ZRANB3: variants seen among roughly 807,000 people sequenced by gnomAD.
ZRANB3 encodes the protein zinc finger RANBP2-type containing 3, also known as DNA annealing helicase and endonuclease ZRANB3.
A neutral mutation model predicts 133.8 loss-of-function variants in ZRANB3; 125 were observed. The observed-to-expected ratio is 0.93, with a 90% CI of 0.81 to 1.08. The LOEUF (loss-of-function observed/expected upper bound fraction) is 1.08. ZRANB3 is among the 50% of genes least tolerant of loss of function. The pLI, the probability that ZRANB3 is intolerant of heterozygous loss-of-function variation, is 0.00. For missense variants in ZRANB3, 1,229 were observed against 1,275.5 expected (o/e 0.96, Z 0.56); for synonymous variants, 387 against 432.7 (o/e 0.89, Z 1.31).
chr2:135,441,491 G>A (rs1290234204), intron 2 of ZRANB3, among the ~76,000 whole-genome samples: 5 of 151,576 alleles, frequency 3.3e-5, no homozygotes, highest in South Asian at 4.1e-4. Context: ...GTTTCACAAC[G>A]GTAAATATTT....
intron 12 of ZRANB3, among the ~76,000 whole-genome samples, chr2:135,250,930 C>G (rs193182395): frequency 2.5e-4 from 38 of 152,314 alleles, no homozygotes; most frequent in African/African-American, 8.4e-4. Flanking sequence ...GGCCACCTGT[C>G]CTCCAGACCC....
intron 2 of ZRANB3, among the ~76,000 whole-genome samples, chr2:135,486,600 C>T (rs1692131159): frequency 6.6e-6 from 1 of 151,938 alleles, no homozygotes; most frequent in African/African-American, 2.4e-5. Flanking sequence ...CTGCAACCTC[C>T]ACTCCCAGGT....
rs539219262 is a variant in ZRANB3 at position 135,340,729 on chromosome 2, G to A, written c.677+4821C>T. Reference sequence around the variant, plus strand: ...TTAGCCGGGTGTGGTGGCGGCACGCGCCTGTAATCTCAGCTACTCGGGAGG... The same window carrying A: ...TTAGCCGGGTGTGGTGGCGGCACGCACCTGTAATCTCAGCTACTCGGGAGG... On this transcript the variant is annotated intron_variant, in intron 6 of 20. Transcript: ENST00000264159. Among the ~76,000 whole-genome samples the A allele has an allele frequency of 2.7e-4, 41 of 151,990 alleles. No homozygotes were observed. The South Asian group carries it at 5.6e-3, about 21-fold the overall frequency.
At chr2:135,510,658 C>G (rs1693411159) in intron 1 of ZRANB3, 1 of 787,826 alleles carries the variant, frequency 1.3e-6, no homozygotes, top group Non-Finnish European at 2.3e-6. Flanking sequence ...GCCTCCAGGT[C>G]CCCTAAGGCG....
At chr2:135,478,759 T>C (rs149563757) in intron 2 of ZRANB3, among the ~76,000 whole-genome samples, 2 of 152,064 alleles carry the variant, frequency 1.3e-5, no homozygotes, top group African/African-American at 2.4e-5. Flanking sequence ...TTAACTATTA[T>C]GAATAAGGCT....
At chr2:135,430,127 G>T (rs1204261472) in intron 2 of ZRANB3, among the ~76,000 whole-genome samples, 1 of 151,874 alleles carries the variant, frequency 6.6e-6, no homozygotes, top group Non-Finnish European at 1.5e-5. Flanking sequence ...ACTGAGCCAC[G>T]ATCACACCAC....
chr2:135,243,371 G>A (rs867326272), intron 12 of ZRANB3, among the ~76,000 whole-genome samples: 9 of 152,248 alleles, frequency 5.9e-5, no homozygotes, highest in Middle Eastern at 3.4e-3. Context: ...AAAATTAGCC[G>A]TGCGTAGCGT....
intron 2 of ZRANB3, among the ~76,000 whole-genome samples, chr2:135,467,580 T>G (rs1456989491): frequency 6.6e-6 from 1 of 152,242 alleles, no homozygotes; most frequent in Non-Finnish European, 1.5e-5. Context: ...CCTTTACTAT[T>G]GAGGATCCCC....
At chr2:135,237,749 C>T (rs565233559) in intron 12 of ZRANB3, among the ~76,000 whole-genome samples, 13 of 149,606 alleles carry the variant, frequency 8.7e-5, no homozygotes, top group Non-Finnish European at 1.2e-4. Flanking sequence ...AATGAGAACA[C>T]ATGGACACAG....
At chr2:135,368,798 G>C (rs552582910) in intron 3 of ZRANB3, among the ~76,000 whole-genome samples, 17 of 151,562 alleles carry the variant, frequency 1.1e-4, no homozygotes, top group African/African-American at 4.1e-4. Flanking sequence ...ATTAAAAAAA[G>C]ACAGCTAACT....
rs999062863 is a variant in ZRANB3 at position 135,199,065 on chromosome 2, C to A, written c.*1277G>T. Reference sequence around the variant, plus strand: ...TTCTGACATATTGCAGGACTAGGCCCTGGGTTTGTTTCATCGTCACTCTTA... The same window carrying A: ...TTCTGACATATTGCAGGACTAGGCCATGGGTTTGTTTCATCGTCACTCTTA... On this transcript the variant is annotated 3_prime_UTR_variant, in exon 21 of 21. Transcript: ENST00000264159. 6.6e-6 allele frequency: 1 copy of A among 152,200 alleles called. No individual in the cohort carries two copies. Among genetic ancestry groups the A allele is most frequent in the African/African-American group, 2.4e-5 (1 of 41,452 alleles). 9.4% of individuals were successfully genotyped at this position (152,200 alleles called of 1,614,324 possible).
intron 8 of ZRANB3, among the ~76,000 whole-genome samples, chr2:135,277,300 C>A (rs1181068121): frequency 3.3e-5 from 5 of 152,144 alleles, no homozygotes; most frequent in African/African-American, 9.7e-5. Flanking sequence ...AGGGAGACAT[C>A]CCATTCAGAT....
Position 135,202,836 on chromosome 2 carries a change from T to C in ZRANB3, c.3137A>G (p.Lys1046Arg), listed in dbSNP as rs1553454623. Residue 1046 changes from lysine to arginine, a missense_variant, in exon 20 of 21, where the codon AAA becomes AGA. Coordinates refer to ENST00000264159, the MANE Select transcript of ZRANB3 (RefSeq NM_032143.4). ...CTATATGAGAGCTTCACTGACCTCT[T>C]TGTGACAGACTGTGCAGAGAGTCTG... Reference protein sequence around the residue: ...NLQTLCTVCHKERTARQAKER... With the variant: ...NLQTLCTVCHRERTARQAKER... 1 of 1,607,448 alleles carries C rather than the reference T, an allele frequency of 6.2e-7. No individual in the cohort carries two copies. Among genetic ancestry groups the C allele is most frequent in the South Asian group, 1.1e-5 (1 of 89,432 alleles).
intron 2 of ZRANB3, among the ~76,000 whole-genome samples, chr2:135,484,015 A>G (rs998315027): frequency 2.0e-5 from 3 of 151,980 alleles, no homozygotes; most frequent in Admixed American, 1.3e-4. Flanking sequence ...ATTTGCTGAG[A>G]AGAGCTTTAC....
chr2:135,234,722 G>T (rs971269307), intron 12 of ZRANB3, among the ~76,000 whole-genome samples: 1 of 152,144 alleles, frequency 6.6e-6, no homozygotes, highest in Non-Finnish European at 1.5e-5. Context: ...CAGAAATAAA[G>T]ATGTTCTTTG....
chr2:135,354,374 G>T (rs777131491), intron 3 of ZRANB3, among the ~76,000 whole-genome samples: 2 of 152,144 alleles, frequency 1.3e-5, no homozygotes, highest in Admixed American at 6.6e-5. Context: ...TGCAAAACTC[G>T]TATGAGATCC....
At chr2:135,469,140 C>A (rs1691137056) in intron 2 of ZRANB3, among the ~76,000 whole-genome samples, 2 of 152,078 alleles carry the variant, frequency 1.3e-5, no homozygotes, top group Non-Finnish European at 2.9e-5. Context: ...TAAGTTTCCA[C>A]TGACTAAGAA....
chr2:135,434,762 G>C (rs1010475042), intron 2 of ZRANB3, among the ~76,000 whole-genome samples: 4 of 152,146 alleles, frequency 2.6e-5, no homozygotes, highest in African/African-American at 9.7e-5. Flanking sequence ...ACTAATCTAA[G>C]CTGAACAAGA....
In ZRANB3 at chr2:135,448,490, C is replaced by T. The variant is rs1177834277; in HGVS notation, c.161+55839G>A. 1.3e-4 allele frequency among the ~76,000 whole-genome samples: 20 copies of T among 152,170 alleles called. 1 individual carries two copies. The highest frequency in any genetic ancestry group is 1.3e-3 in the Admixed American group (20 of 15,268). On this transcript the variant is annotated intron_variant, in intron 2 of 20. Coordinates refer to ENST00000264159, the MANE Select transcript of ZRANB3 (RefSeq NM_032143.4). ...CAGTTGGAAAATACTAAGACATTCACTATAACACAAATTATTAGCAATCAC... is the reference window on the plus strand; with the variant it reads ...CAGTTGGAAAATACTAAGACATTCATTATAACACAAATTATTAGCAATCAC...
Sources: gnomAD v4.1 joint callset for allele counts (sites outside exome capture counted in the v4.1 genomes callset) on GRCh38, gnomAD v4.1.1 for gene constraint, MANE v1.5 for transcripts, NCBI Gene and HGNC (gene_info 2026-07-23, HGNC 2026-07-21) for gene names.